NELL1: variants seen among roughly 807,000 people sequenced by gnomAD.
NELL1 encodes the protein protein kinase C-binding protein NELL1.
In NELL1, 76 loss-of-function variants were observed where a neutral mutation model predicts 107.4. The ratio of observed to expected loss-of-function variants is 0.71; its 90% CI spans 0.59 to 0.86. The LOEUF (loss-of-function observed/expected upper bound fraction) is 0.86. Among genes scored for constraint, NELL1 ranks in the 40% least tolerant of loss-of-function variants. The pLI is 0.00. For missense variants in NELL1, 1,024 were observed against 1,005.5 expected (o/e 1.02, Z -0.25); for synonymous variants, 353 against 341.2 (o/e 1.03, Z -0.38).
chr11:21,068,031 T>TGAAAAAAA (rs1853918754), intron 12 of NELL1, among the ~76,000 whole-genome samples: 1 of 3,630 alleles, frequency 2.8e-4, no homozygotes, highest in African/African-American at 2.3e-3. Context: ...AGATGCCATC[T>TGAAAAAAA]CAAAAAAAAA....
intron 12 of NELL1, among the ~76,000 whole-genome samples, chr11:21,112,949 A>T (rs1310198133): frequency 6.6e-6 from 1 of 152,054 alleles, no homozygotes; most frequent in African/African-American, 2.4e-5. Flanking sequence ...ACGAACTTTT[A>T]TGAGAAAGCA....
intron 12 of NELL1, 87 bp downstream of exon 12, chr11:20,960,647 C>T: frequency 6.8e-7 from 1 of 1,465,430 alleles, no homozygotes. Flanking sequence ...TGAAAACTAT[C>T]ACTTGGCTGT....
chr11:20,751,023 A>AACTG (rs3045482), intron 2 of NELL1, among the ~76,000 whole-genome samples: 3 of 142,412 alleles, frequency 2.1e-5, no homozygotes, highest in African/African-American at 3.0e-5. Flanking sequence ...TTATTTGTCT[A>AACTG]TGTGTGTGTG....
intron 15 of NELL1, among the ~76,000 whole-genome samples, chr11:21,533,759 G>A (rs1200844776): frequency 6.6e-6 from 1 of 152,116 alleles, no homozygotes; most frequent in Non-Finnish European, 1.5e-5. Context: ...GAAATAGAAC[G>A]ATAGTTCCCA....
At chr11:21,173,388 C>T (rs944216237) in intron 13 of NELL1, among the ~76,000 whole-genome samples, 1 of 151,824 alleles carries the variant, frequency 6.6e-6, no homozygotes, top group Non-Finnish European at 1.5e-5. Flanking sequence ...ATCAGATTTA[C>T]CAAGCACTTT....
chr11:21,107,333 A>G (rs533440000), intron 12 of NELL1, among the ~76,000 whole-genome samples: 2 of 152,122 alleles, frequency 1.3e-5, no homozygotes, highest in Non-Finnish European at 2.9e-5. Flanking sequence ...AATTAAAAAA[A>G]AATCAGTATG....
chr11:21,112,267 C>T (rs949727732), intron 12 of NELL1, among the ~76,000 whole-genome samples: 3 of 151,978 alleles, frequency 2.0e-5, no homozygotes, highest in Non-Finnish European at 4.4e-5. Context: ...ATCTTTAGCT[C>T]TGAAAAGAAT....
At chr11:21,334,646 C>A (rs1850346898) in intron 14 of NELL1, among the ~76,000 whole-genome samples, 1 of 151,906 alleles carries the variant, frequency 6.6e-6, no homozygotes, top group Non-Finnish European at 1.5e-5. Context: ...GGAATACATA[C>A]CCTCACGCCT....
chr11:20,857,887 C>A (rs924789463), intron 4 of NELL1, among the ~76,000 whole-genome samples: 1 of 152,160 alleles, frequency 6.6e-6, no homozygotes, highest in Non-Finnish European at 1.5e-5. Flanking sequence ...ACTGAATACA[C>A]CAGTAGGCTT....
rs192464913 is a variant in NELL1 at position 21,017,578 on chromosome 11, G to A, written c.1300+57018G>A. 2.0e-4 allele frequency among the ~76,000 whole-genome samples: 31 copies of A among 151,990 alleles called. No homozygotes were observed. The East Asian group carries it at 3.5e-3, about 17-fold the overall frequency. On this transcript the variant is annotated intron_variant, in intron 12 of 19. Coordinates refer to ENST00000357134, the MANE Select transcript of NELL1 (RefSeq NM_006157.5). Reference sequence around the variant, plus strand: ...GTTTAATGCAGAGAATTATGGTACCGGCTTCAGAGAATTAACTGAAAAACA... The same window carrying A: ...GTTTAATGCAGAGAATTATGGTACCAGCTTCAGAGAATTAACTGAAAAACA...
At chr11:20,715,636 A>G (rs936373276) in intron 2 of NELL1, among the ~76,000 whole-genome samples, 8 of 152,234 alleles carry the variant, frequency 5.3e-5, no homozygotes, top group African/African-American at 1.7e-4. Context: ...ACATCTGCCA[A>G]TGTGTCTTTT....
intron 14 of NELL1, among the ~76,000 whole-genome samples, chr11:21,273,130 A>G (rs1565140848): frequency 6.6e-6 from 1 of 152,180 alleles, no homozygotes; most frequent in African/African-American, 2.4e-5. Context: ...GTTCAAACCC[A>G]TGGCAAAGAA....
At chr11:21,000,244 A>G (rs961810043) in intron 12 of NELL1, among the ~76,000 whole-genome samples, 1 of 149,094 alleles carries the variant, frequency 6.7e-6, no homozygotes, top group Non-Finnish European at 1.5e-5. Flanking sequence ...GTGCACATGT[A>G]CCCTAAAACT....
At chr11:20,993,956 T>C (rs1338675458) in intron 12 of NELL1, among the ~76,000 whole-genome samples, 1 of 152,032 alleles carries the variant, frequency 6.6e-6, no homozygotes, top group African/African-American at 2.4e-5. Flanking sequence ...CTCAATAATA[T>C]TTGATGACAA....
At chr11:21,387,771 A>G (rs1480010827) in intron 15 of NELL1, among the ~76,000 whole-genome samples, 1 of 151,782 alleles carries the variant, frequency 6.6e-6, no homozygotes, top group Non-Finnish European at 1.5e-5. Context: ...TCTACACCAC[A>G]TCGATATTCT....
intron 12 of NELL1, among the ~76,000 whole-genome samples, chr11:21,066,640 A>G (rs1019834580): frequency 1.3e-5 from 2 of 152,154 alleles, no homozygotes; most frequent in Admixed American, 6.5e-5. Context: ...GGTACTGAGT[A>G]TATATAACAC....
intron 12 of NELL1, among the ~76,000 whole-genome samples, chr11:21,080,158 AT>A (rs1264628898): frequency 1.3e-5 from 2 of 151,954 alleles, no homozygotes; most frequent in Non-Finnish European, 2.9e-5. Flanking sequence ...CCTTTAAAGT[AT>A]TTGTCTATGT....
At chr11:20,759,691 A>T (rs984464685) in intron 2 of NELL1, among the ~76,000 whole-genome samples, 3 of 152,134 alleles carry the variant, frequency 2.0e-5, no homozygotes, top group African/African-American at 7.2e-5. Context: ...GCCAGGGCTG[A>T]TAGAATCCTC....
intron 16 of NELL1, among the ~76,000 whole-genome samples, chr11:21,558,794 T>C (rs1365415215): frequency 1.3e-5 from 2 of 152,048 alleles, no homozygotes; most frequent in African/African-American, 2.4e-5. Context: ...GTTTCAAACA[T>C]TGGTCACCAG....
Sources: gnomAD v4.1 joint callset for allele counts (sites outside exome capture counted in the v4.1 genomes callset) on GRCh38, gnomAD v4.1.1 for gene constraint, MANE v1.5 for transcripts, NCBI Gene and HGNC (gene_info 2026-07-23, HGNC 2026-07-21) for gene names.